Variants in FRMD6 observed in about 807,000 individuals in gnomAD.
The protein encoded by FRMD6 is FERM domain-containing protein 6.
FRMD6 carries 37 observed loss-of-function variants against 73.2 expected under a neutral mutation model. The observed-to-expected ratio is 0.51, with a 90% CI of 0.39 to 0.66. FRMD6 has a LOEUF of 0.66. FRMD6 is among the 30% of genes least tolerant of loss of function. FRMD6 has a pLI of 0.00. For missense variants in FRMD6, 714 were observed against 780.5 expected (o/e 0.91, Z 1.02); for synonymous variants, 273 against 282.2 (o/e 0.97, Z 0.33).
chr14:51,487,163 A>G (rs1361905181), upstream of FRMD6, among the ~76,000 whole-genome samples: 2 of 152,104 alleles, frequency 1.3e-5, no homozygotes, highest in African/African-American at 4.8e-5. Context: ...GTGTCCCAGT[A>G]TTGTTTGTTA....
At chr14:51,403,557 T>G in the FRMD6 span, among the ~76,000 whole-genome samples, 1 of 152,082 alleles carries the variant, frequency 6.6e-6, no homozygotes. Flanking sequence ...TGCACCACTG[T>G]GCACAGCTAA....
intron 1 of FRMD6, among the ~76,000 whole-genome samples, chr14:51,569,940 C>T (rs866459265): frequency 7.2e-5 from 11 of 152,102 alleles, no homozygotes; most frequent in East Asian, 5.8e-4. Flanking sequence ...CTCAGCCTCC[C>T]GAGTAGCTGG....
the FRMD6 span, among the ~76,000 whole-genome samples, chr14:51,465,854 A>G: frequency 2.0e-5 from 3 of 152,084 alleles, no homozygotes; most frequent in Non-Finnish European, 2.9e-5. Context: ...CAGTAGGTGT[A>G]TATTTAGCTT....
At chr14:51,471,591 GC>G in the FRMD6 span, among the ~76,000 whole-genome samples, 4 of 151,978 alleles carry the variant, frequency 2.6e-5, no homozygotes, top group Admixed American at 6.6e-5. Context: ...GAAACATTCG[GC>G]ATTCTTGGAA....
At chr14:51,404,811 A>G in the FRMD6 span, among the ~76,000 whole-genome samples, 3 of 152,138 alleles carry the variant, frequency 2.0e-5, no homozygotes, top group African/African-American at 7.2e-5. Flanking sequence ...CAGTACATGC[A>G]GGTTTGTTAT....
chr14:51,714,222 G>A (rs563849709), intron 9 of FRMD6: 1 of 152,162 alleles, frequency 6.6e-6, no homozygotes, highest in South Asian at 2.1e-4. Flanking sequence ...TAAATGAGTG[G>A]ATACATGCTT....
chr14:51,694,251 A>G (rs886505631), intron 2 of FRMD6, among the ~76,000 whole-genome samples: 27 of 152,242 alleles, frequency 1.8e-4, no homozygotes, highest in Non-Finnish European at 4.4e-5. Context: ...TAGGAGCCAT[A>G]AAGATTTGAG....
chr14:51,695,935 CCTAAT>C (rs767582238), intron 2 of FRMD6, among the ~76,000 whole-genome samples: 1 of 151,904 alleles, frequency 6.6e-6, no homozygotes, highest in Non-Finnish European at 1.5e-5. Context: ...TCTTTATTTT[CCTAAT>C]CTGAGTTTCA....
At chr14:51,444,632 C>G in the FRMD6 span, among the ~76,000 whole-genome samples, 1 of 152,188 alleles carries the variant, frequency 6.6e-6, no homozygotes, top group Non-Finnish European at 1.5e-5. Flanking sequence ...AAGGCTCTGT[C>G]TGCCTTGAAT....
Position 51,705,082 on chromosome 14 carries a change from C to T in FRMD6, c.558+147C>T, listed in dbSNP as rs985292519. ...TGCCCAGATATTTAATGCTTAAGAA[C>T]GTGGTGCACATCATGTCTTCATGTA... On this transcript the variant is annotated intron_variant, in intron 6 of 13. Transcript: ENST00000344768. The T allele has an allele frequency of 1.4e-5, 9 of 666,632 alleles. 1 individual carries two copies. Among genetic ancestry groups the T allele is most frequent in the Middle Eastern group, 8.4e-4 (2 of 2,382 alleles). 41.3% of individuals were successfully genotyped at this position (666,632 alleles called of 1,614,324 possible).
intron 1 of FRMD6, among the ~76,000 whole-genome samples, chr14:51,524,736 A>C (rs1885139918): frequency 6.6e-6 from 1 of 152,176 alleles, no homozygotes; most frequent in Admixed American, 6.5e-5. Context: ...AGTGAGTTAC[A>C]GAAACAACTG....
chr14:51,414,287 G>C, the FRMD6 span, among the ~76,000 whole-genome samples: 3 of 152,164 alleles, frequency 2.0e-5, no homozygotes, highest in African/African-American at 7.2e-5. Context: ...ATGATTTTAG[G>C]TCTAACATTT....
chr14:51,424,457 C>T, the FRMD6 span, among the ~76,000 whole-genome samples: 3 of 152,316 alleles, frequency 2.0e-5, no homozygotes, highest in African/African-American at 7.2e-5. Flanking sequence ...GTAGAGAGTG[C>T]CTTTTAAAGC....
the FRMD6 span, among the ~76,000 whole-genome samples, chr14:51,423,732 T>C: frequency 6.6e-6 from 1 of 152,202 alleles, no homozygotes; most frequent in African/African-American, 2.4e-5. Flanking sequence ...ATTTCTTTTG[T>C]ATCAGCAGAA....
the FRMD6 span, among the ~76,000 whole-genome samples, chr14:51,405,030 G>A: frequency 1.5e-3 from 223 of 152,136 alleles, 1 homozygote; most frequent in African/African-American, 5.2e-3. Flanking sequence ...TGCGGTATTC[G>A]GTTTTCTGTC....
chr14:51,690,077 T>C, intron 2 of FRMD6, 142 bp downstream of exon 2: 1 of 673,380 alleles, frequency 1.5e-6, no homozygotes, highest in South Asian at 1.7e-5. Flanking sequence ...AAATAGTCCA[T>C]ACATACATTA....
At chr14:51,529,287 G>A (rs536953619) in intron 1 of FRMD6, among the ~76,000 whole-genome samples, 37 of 152,156 alleles carry the variant, frequency 2.4e-4, no homozygotes, top group Non-Finnish European at 4.6e-4. Flanking sequence ...CTGTGCCTAC[G>A]TTGACACATC....
upstream of FRMD6, among the ~76,000 whole-genome samples, chr14:51,487,555 T>C (rs1882796599): frequency 6.6e-6 from 1 of 152,220 alleles, no homozygotes; most frequent in South Asian, 2.1e-4. Flanking sequence ...ACATTTTGAA[T>C]AGCAAGCCAC....
chr14:51,625,455 C>CTT (rs531098350), intron 2 of FRMD6, among the ~76,000 whole-genome samples: 29 of 85,436 alleles, frequency 3.4e-4, no homozygotes, highest in Non-Finnish European at 1.0e-4. Context: ...TTCCCCTTAT[C>CTT]TTTTTTTTTT....
Sources: gnomAD v4.1 joint callset for allele counts (sites outside exome capture counted in the v4.1 genomes callset) on GRCh38, gnomAD v4.1.1 for gene constraint, MANE v1.5 for transcripts, NCBI Gene and HGNC (gene_info 2026-07-23, HGNC 2026-07-21) for gene names.